Variants in CARMIL1 observed in about 807,000 individuals in gnomAD.
CARMIL1 encodes the protein F-actin-uncapping protein LRRC16A.
A neutral mutation model predicts 177.1 loss-of-function variants in CARMIL1; 90 were observed. The observed-to-expected ratio is 0.51, with a 90% CI of 0.43 to 0.61. CARMIL1 has a LOEUF of 0.61. CARMIL1 is among the 20% of genes least tolerant of loss of function. CARMIL1 has a pLI of 0.00. For missense variants in CARMIL1, 1,380 were observed against 1,667.0 expected, an observed-to-expected ratio of 0.83 and a Z score of 3.00; for synonymous variants, 577 against 606.2, an observed-to-expected ratio of 0.95 and a Z score of 0.71.
intron 2 of CARMIL1, among the ~76,000 whole-genome samples, chr6:25,376,970 C>T (rs1364455760): frequency 6.6e-6 from 1 of 152,166 alleles, no homozygotes; most frequent in Non-Finnish European, 1.5e-5. Flanking sequence ...CAATTACACT[C>T]CTGACCCAGA....
intron 11 of CARMIL1, among the ~76,000 whole-genome samples, chr6:25,473,622 T>C (rs1801266688): frequency 6.6e-6 from 1 of 152,212 alleles, no homozygotes; most frequent in African/African-American, 2.4e-5. Context: ...TTAATCTTGC[T>C]GTGTCAGCAG....
intron 2 of CARMIL1, among the ~76,000 whole-genome samples, chr6:25,355,543 G>A (rs1788509143): frequency 6.6e-6 from 1 of 152,176 alleles, no homozygotes; most frequent in African/African-American, 2.4e-5. Context: ...GCAGTCCAGA[G>A]TAGTTGCGTA....
intron 2 of CARMIL1, among the ~76,000 whole-genome samples, chr6:25,404,145 G>T (rs1178711863): frequency 2.6e-5 from 4 of 152,188 alleles, no homozygotes; most frequent in Non-Finnish European, 5.9e-5. Context: ...CTTTCTGCCT[G>T]GCTCAACAAG....
At chr6:25,293,693 C>T (rs904435813) in intron 2 of CARMIL1, among the ~76,000 whole-genome samples, 3 of 151,836 alleles carry the variant, frequency 2.0e-5, no homozygotes, top group Non-Finnish European at 4.4e-5. Context: ...CTCTCCTTTC[C>T]CTTCCTTTCC....
chr6:25,496,225 C>T (rs911999187), intron 16 of CARMIL1, among the ~76,000 whole-genome samples: 4 of 152,082 alleles, frequency 2.6e-5, no homozygotes, highest in African/African-American at 9.7e-5. Context: ...CGCCTGTAAT[C>T]TCAGCACTCT....
Position 25,596,586 on chromosome 6 carries a change from C to T in CARMIL1, c.3119+2059C>T, listed in dbSNP as rs190871514. Among the ~76,000 whole-genome samples the T allele has an allele frequency of 2.4e-4, 36 of 152,042 alleles. No homozygotes were observed. The East Asian group carries it at 5.2e-3, about 22-fold the overall frequency. On this transcript the variant is annotated intron_variant, in intron 32 of 36. Transcript: ENST00000329474. Reference sequence around the variant, plus strand: ...TTTCATTTTTAGATAGTACTGTAACCGCTAACTTCTTACTTAAATGATGAT... The same window carrying T: ...TTTCATTTTTAGATAGTACTGTAACTGCTAACTTCTTACTTAAATGATGAT...
At position 25,493,705 on chromosome 6, in the gene CARMIL1, C is replaced by T. The variant is rs142978163; in HGVS notation, c.1221-1406C>T. ...AAAGAGAGTCACATGGCCAAGCCTGCTGTCAGTAGAGGGATGAAGCATCAT... is the reference window on the plus strand; with the variant it reads ...AAAGAGAGTCACATGGCCAAGCCTGTTGTCAGTAGAGGGATGAAGCATCAT... On this transcript the variant is annotated intron_variant, in intron 15 of 36. Transcript: ENST00000329474. Among the ~76,000 whole-genome samples, 696 of 152,262 alleles carry T rather than the reference C, an allele frequency of 4.6e-3. 4 individuals carry two copies. The highest frequency in any genetic ancestry group is 0.016 in the African/African-American group (675 of 41,554).
intron 8 of CARMIL1, among the ~76,000 whole-genome samples, chr6:25,454,714 C>G (rs1799332228): frequency 6.6e-6 from 1 of 152,100 alleles, no homozygotes; most frequent in Admixed American, 6.5e-5. Flanking sequence ...AGAGACTGTT[C>G]TCAGTCCTTT....
chr6:25,327,373 A>G lies in CARMIL1; in HGVS notation c.138+42464A>G, dbSNP rs1308887713. Among the ~76,000 whole-genome samples the G allele has an allele frequency of 2.0e-5, 3 of 152,202 alleles. No homozygotes were observed. The East Asian group carries it at 5.8e-4, about 29-fold the overall frequency. Reference sequence around the variant, plus strand: ...GCTTAATTTGTATGATGAAGCGGAGATTTGTAGCATAGAGATCACTAGGCA... The same window carrying G: ...GCTTAATTTGTATGATGAAGCGGAGGTTTGTAGCATAGAGATCACTAGGCA... On this transcript the variant is annotated intron_variant, in intron 2 of 36. Coordinates refer to ENST00000329474, the MANE Select transcript of CARMIL1 (RefSeq NM_017640.6).
chr6:25,380,074 A>G (rs1359222117), intron 2 of CARMIL1, among the ~76,000 whole-genome samples: 1 of 152,112 alleles, frequency 6.6e-6, no homozygotes, highest in African/African-American at 2.4e-5. Context: ...TTTCTTTATC[A>G]TTAGGCTTCT....
chr6:25,540,912 AG>A (rs1808826176), intron 26 of CARMIL1, among the ~76,000 whole-genome samples: 1 of 152,192 alleles, frequency 6.6e-6, no homozygotes, highest in Non-Finnish European at 1.5e-5. Flanking sequence ...TTTCTTTTTA[AG>A]GAGTTTAATC....
At position 25,500,163 on chromosome 6, in the gene CARMIL1, C is replaced by T. The variant is rs757404814; in HGVS notation, c.1326-3C>T. ...ATCTAATATGTGTGTTTCCTCCCCT[C>T]AGAGCACTGTTATTGGGCCTGGCTT... On this transcript the variant is annotated splice_region_variant and splice_polypyrimidine_tract_variant and intron_variant, in intron 16 of 36. Coordinates refer to ENST00000329474, the MANE Select transcript of CARMIL1 (RefSeq NM_017640.6). 1 of 1,613,712 alleles carries T rather than the reference C, an allele frequency of 6.2e-7. No homozygotes were observed. The highest frequency in any genetic ancestry group is 8.5e-7 in the Non-Finnish European group (1 of 1,179,680).
rs766646445 is a variant in CARMIL1, at chr6:25,509,780, G to T, written c.1477+43G>T. 1 of 1,335,604 alleles carries T rather than the reference G, an allele frequency of 7.5e-7. No homozygotes were observed. The highest frequency in any genetic ancestry group is 1.0e-6 in the Non-Finnish European group (1 of 953,608). The allele number at this position is 1,335,604 out of a possible 1,614,324, so 82.7% of individuals were successfully genotyped here. A position where few individuals can be genotyped will look rare whatever the true frequency, so the allele number is the denominator to read the frequency against. ...AAGAAATGAAACTGAAATATTTTTT[G>T]AAGCAAGTTAATAAGGGGAAAATAA... is the stretch of plus-strand genomic sequence containing the variant. On this transcript the variant is annotated intron_variant, in intron 18 of 36. Coordinates refer to ENST00000329474, the MANE Select transcript of CARMIL1 (RefSeq NM_017640.6). The surrounding 1 kb of genome is among the most constrained non-coding windows in gnomAD (Gnocchi z 4.1).
chr6:25,610,023 T>G (rs1816372013), intron 35 of CARMIL1, 27 bp from the exon 36 acceptor site: 1 of 1,607,142 alleles, frequency 6.2e-7, no homozygotes, highest in Non-Finnish European at 8.5e-7. Context: ...GTGGAACAGT[T>G]TGATTCACGT....
chr6:25,495,312 A>C lies in CARMIL1; in HGVS notation c.1325+97A>C, dbSNP rs907914148. On this transcript the variant is annotated intron_variant, in intron 16 of 36. Coordinates refer to ENST00000329474, the MANE Select transcript of CARMIL1 (RefSeq NM_017640.6). ...GGAGAAAGATATATAATCCAAAGAC[A>C]AAAACCACAGATGAGAATGCCTTTT... The C allele has an allele frequency of 3.7e-5, 29 of 775,232 alleles. No homozygotes were observed. In the Admixed American group the frequency reaches 4.9e-4, roughly 13 times the overall value. The allele number at this position is 775,232 out of a possible 1,614,324, so 48.0% of individuals were successfully genotyped here.
intron 26 of CARMIL1, among the ~76,000 whole-genome samples, chr6:25,541,123 T>C (rs1808848820): frequency 6.6e-6 from 1 of 152,190 alleles, no homozygotes; most frequent in African/African-American, 2.4e-5. Flanking sequence ...TAAAACAAAA[T>C]TGGCTTTGTT....
intron 17 of CARMIL1, among the ~76,000 whole-genome samples, chr6:25,506,527 C>G (rs760477140): frequency 4.3e-4 from 64 of 149,952 alleles, no homozygotes; most frequent in Non-Finnish European, 7.7e-4. Context: ...GCCTGGGAGA[C>G]AGTGACTCCG....
intron 33 of CARMIL1, among the ~76,000 whole-genome samples, chr6:25,602,400 T>C (rs182970320): frequency 4.9e-4 from 74 of 152,374 alleles, no homozygotes; most frequent in Admixed American, 1.1e-3. Context: ...TTTTGATTAA[T>C]ATGCTGTTTA....
intron 8 of CARMIL1, among the ~76,000 whole-genome samples, chr6:25,451,841 A>G (rs1458914773): frequency 1.3e-5 from 2 of 152,088 alleles, no homozygotes; most frequent in Non-Finnish European, 2.9e-5. Flanking sequence ...CCTACTTAAT[A>G]AACTCCAACC....
Sources: allele counts gnomAD v4.1 joint callset (sites outside exome capture counted in the v4.1 genomes callset), GRCh38; gene constraint gnomAD v4.1.1; non-coding constraint Gnocchi (gnomAD v3.1); transcripts MANE v1.5; gene names NCBI Gene and HGNC (gene_info 2026-07-23, HGNC 2026-07-21).